GPM6A: variants seen among roughly 807,000 people sequenced by gnomAD.
GPM6A encodes the protein glycoprotein M6A.
GPM6A carries 7 observed loss-of-function variants against 32.1 expected under a neutral mutation model. The ratio of observed to expected loss-of-function variants is 0.22; its 90% CI spans 0.12 to 0.41. The LOEUF is 0.41. GPM6A is among the 10% of genes least tolerant of loss of function. The pLI, the probability that GPM6A is intolerant of heterozygous loss-of-function variation, is 1.00. For synonymous variants in GPM6A, 130 were observed against 123.4 expected (o/e 1.05, Z -0.35); for missense variants, 235 against 347.2 (o/e 0.68, Z 2.57).
chr4:175,958,399 T>C (rs1257814094), intron 1 of GPM6A, among the ~76,000 whole-genome samples: 1 of 152,216 alleles, frequency 6.6e-6, no homozygotes, highest in African/African-American at 2.4e-5. Flanking sequence ...TCTGTAGCAT[T>C]AGGTTACAGA....
chr4:175,972,536 C>T (rs1414248273), intron 1 of GPM6A, among the ~76,000 whole-genome samples: 4 of 152,210 alleles, frequency 2.6e-5, no homozygotes, highest in African/African-American at 9.7e-5. Flanking sequence ...TCAGGCTCCA[C>T]ACTATAAAAT....
At chr4:175,852,812 T>C (rs927621182) in intron 1 of GPM6A, among the ~76,000 whole-genome samples, 1 of 152,170 alleles carries the variant, frequency 6.6e-6, no homozygotes, top group African/African-American at 2.4e-5. Context: ...GAAACTTCAA[T>C]GAAAATGTCA....
intron 2 of GPM6A, among the ~76,000 whole-genome samples, chr4:175,680,638 G>T (rs1213205570): frequency 6.6e-6 from 1 of 152,128 alleles, no homozygotes; most frequent in Non-Finnish European, 1.5e-5. Flanking sequence ...ACATTAACAT[G>T]CTTCTTAAAG....
intron 1 of GPM6A, among the ~76,000 whole-genome samples, chr4:175,832,523 C>T (rs968046956): frequency 2.3e-4 from 3 of 13,156 alleles, no homozygotes; most frequent in South Asian, 0.045. Flanking sequence ...ATGAAGTAAA[C>T]GTTATCTACC....
rs536184360 is a variant in GPM6A at position 175,830,387 on chromosome 4, G to A, written c.-22-18138C>T. Among the ~76,000 whole-genome samples, 8 of 152,224 alleles carry A rather than the reference G, an allele frequency of 5.3e-5. 1 individual carries two copies. In the East Asian group the frequency reaches 1.5e-3, roughly 29 times the overall value. On this transcript the variant is annotated intron_variant, in intron 1 of 7. Transcript: ENST00000280187. Reference sequence around the variant, plus strand: ...TCACAACTTTATATGTTATAACTATGTAGGCCAAAGTGTATATAAAATAAT... The same window carrying A: ...TCACAACTTTATATGTTATAACTATATAGGCCAAAGTGTATATAAAATAAT...
rs1406970205 is a variant in GPM6A, at chr4:175,632,953, A to G, written c.*1952T>C. 6.6e-6 allele frequency: 1 copy of G among 152,368 alleles called. No individual in the cohort carries two copies. The highest frequency in any genetic ancestry group is 1.5e-5 in the Non-Finnish European group (1 of 67,948). The allele number at this position is 152,368 out of a possible 1,614,324, so 9.4% of individuals were successfully genotyped here. A position where few individuals can be genotyped will look rare whatever the true frequency, so the allele number is the denominator to read the frequency against. ...TGCAGAAGCTAATAATAAGTACACA[A>G]AGTACACAAGTGTATTTATTACATT... On this transcript the variant is annotated 3_prime_UTR_variant, in exon 7 of 7. Transcript: ENST00000393658.
At chr4:175,809,257 T>A (rs1023142663) in intron 1 of GPM6A, among the ~76,000 whole-genome samples, 1 of 152,204 alleles carries the variant, frequency 6.6e-6, no homozygotes, top group Non-Finnish European at 1.5e-5. Context: ...GCTCAACCCC[T>A]CTGTAGTAAC....
chr4:175,997,032 G>A (rs1197756578), intron 1 of GPM6A, among the ~76,000 whole-genome samples: 3 of 151,876 alleles, frequency 2.0e-5, no homozygotes, highest in African/African-American at 7.3e-5. Flanking sequence ...GCCACTTCAG[G>A]ACAGCCCGAG....
chr4:175,705,646 T>A (rs1411461109), intron 1 of GPM6A, among the ~76,000 whole-genome samples: 1 of 152,058 alleles, frequency 6.6e-6, no homozygotes, highest in Non-Finnish European at 1.5e-5. Context: ...AGAGTTGTCA[T>A]AGCAACCCTG....
At chr4:175,961,778 A>T (rs1740172185) in intron 1 of GPM6A, among the ~76,000 whole-genome samples, 1 of 152,164 alleles carries the variant, frequency 6.6e-6, no homozygotes, top group Non-Finnish European at 1.5e-5. Flanking sequence ...CCTCAAGGGA[A>T]AATATTCTGC....
chr4:175,736,665 A>G (rs1731673585), intron 1 of GPM6A, among the ~76,000 whole-genome samples: 1 of 152,220 alleles, frequency 6.6e-6, no homozygotes, highest in Non-Finnish European at 1.5e-5. Flanking sequence ...TTTAACAAGG[A>G]TGCTTACTGG....
intron 1 of GPM6A, among the ~76,000 whole-genome samples, chr4:175,930,426 G>A (rs1444996560): frequency 1.3e-5 from 1 of 74,244 alleles, no homozygotes. Context: ...TCTGTTTTTT[G>A]GGGGGGGGTT....
At chr4:175,919,472 T>C (rs1738599536) in intron 1 of GPM6A, among the ~76,000 whole-genome samples, 1 of 152,192 alleles carries the variant, frequency 6.6e-6, no homozygotes, top group Non-Finnish European at 1.5e-5. Context: ...CTTTTTATTT[T>C]TGGACCAACA....
intron 1 of GPM6A, among the ~76,000 whole-genome samples, chr4:175,958,510 T>C (rs1011071362): frequency 1.3e-5 from 2 of 152,236 alleles, no homozygotes; most frequent in Non-Finnish European, 2.9e-5. Flanking sequence ...AATTGCTAAC[T>C]GATAGGGTGA....
At chr4:175,668,126 C>T (rs1742850105) in intron 3 of GPM6A, among the ~76,000 whole-genome samples, 1 of 152,048 alleles carries the variant, frequency 6.6e-6, no homozygotes, top group African/African-American at 2.4e-5. Flanking sequence ...CATTAGACAT[C>T]AGAAAAAATA....
At chr4:175,873,607 A>G (rs891301486) in intron 1 of GPM6A, among the ~76,000 whole-genome samples, 2 of 152,154 alleles carry the variant, frequency 1.3e-5, no homozygotes, top group Admixed American at 1.3e-4. Flanking sequence ...AACAATTATT[A>G]ATGAATTAAT....
At chr4:175,828,663 C>T (rs137994937) in intron 1 of GPM6A, among the ~76,000 whole-genome samples, 150 of 152,042 alleles carry the variant, frequency 9.9e-4, no homozygotes, top group Admixed American at 2.8e-3. Flanking sequence ...TTTCTAAATT[C>T]GAATCTGTGG....
intron 1 of GPM6A, among the ~76,000 whole-genome samples, chr4:175,954,511 G>A (rs373256924): frequency 1.3e-3 from 194 of 152,302 alleles, no homozygotes; most frequent in Middle Eastern, 3.4e-3. Context: ...TGAGGACAGT[G>A]GCTAGCAAAT....
In GPM6A at chr4:175,909,044, G is replaced by GGC. The variant is rs1554000483; in HGVS notation, c.-23+93264_-23+93265insGC. On this transcript the variant is annotated intron_variant, in intron 1 of 7. Transcript: ENST00000280187. ...AGAGGCAGACAAAAAAAAAAGGGCG[G>GGC]GGGGGGGGCAACTAGCTCATAACCA... Among the ~76,000 whole-genome samples the GGC allele has an allele frequency of 7.5e-5, 8 of 106,046 alleles. No homozygotes were observed. In the East Asian group the frequency reaches 2.3e-3, roughly 31 times the overall value. 69.6% of individuals were successfully genotyped at this position (106,046 alleles called of 152,430 possible). A position where few individuals can be genotyped will look rare whatever the true frequency, so the allele number is the denominator to read the frequency against.
Sources: allele counts gnomAD v4.1 joint callset (sites outside exome capture counted in the v4.1 genomes callset), GRCh38; gene constraint gnomAD v4.1.1; transcripts MANE v1.5; gene names NCBI Gene and HGNC (gene_info 2026-07-23, HGNC 2026-07-21).